Variants in GNPDA2 observed in about 807,000 individuals in gnomAD.
The protein encoded by GNPDA2 is glucosamine-6-phosphate deaminase 2.
A neutral mutation model predicts 27.0 loss-of-function variants in GNPDA2; 24 were observed. The ratio of observed to expected loss-of-function variants is 0.89; its 90% CI spans 0.64 to 1.25. The LOEUF is 1.25. Ranked by LOEUF, GNPDA2 falls within the 50% of genes most tolerant of loss-of-function variation. GNPDA2 has a pLI of 0.00. For synonymous variants in GNPDA2, 94 were observed against 108.4 expected, an observed-to-expected ratio of 0.87 and a Z score of 0.83; for missense variants, 286 against 335.1, an observed-to-expected ratio of 0.85 and a Z score of 1.14.
chr4:44,711,160 A>G (rs376251524), intron 4 of GNPDA2, 23 bp from the exon 5 acceptor site: 2 of 1,440,292 alleles, frequency 1.4e-6, no homozygotes, highest in Non-Finnish European at 1.8e-6. Context: ...ATATACATAC[A>G]TATACACATG....
At chr4:44,723,850 T>C (rs991653038) in intron 1 of GNPDA2, among the ~76,000 whole-genome samples, 5 of 151,708 alleles carry the variant, frequency 3.3e-5, no homozygotes, top group African/African-American at 1.2e-4. Flanking sequence ...GGTTACAAAG[T>C]TTTCTGGGTT....
intron 6 of GNPDA2, chr4:44,703,600 A>G (rs1716407630): frequency 2.0e-5 from 20 of 982,266 alleles, no homozygotes; most frequent in Non-Finnish European, 1.9e-5. Context: ...ACTTTCCAAT[A>G]GTTTGGCATG....
At chr4:44,717,945 T>C (rs1717413380) in intron 3 of GNPDA2, among the ~76,000 whole-genome samples, 2 of 151,896 alleles carry the variant, frequency 1.3e-5, no homozygotes, top group Admixed American at 6.6e-5. Flanking sequence ...TACTTTTACA[T>C]GTACGTTAGT....
At chr4:44,725,759 C>CT (rs1717971602) in intron 1 of GNPDA2, among the ~76,000 whole-genome samples, 1 of 64,080 alleles carries the variant, frequency 1.6e-5, no homozygotes, top group Non-Finnish European at 5.7e-5. Flanking sequence ...ATGCAATTCT[C>CT]TGGCATCACA....
chr4:44,708,228 A>G (rs1262474371), intron 5 of GNPDA2, among the ~76,000 whole-genome samples: 1 of 152,152 alleles, frequency 6.6e-6, no homozygotes, highest in Non-Finnish European at 1.5e-5. Flanking sequence ...CAATGAAGAA[A>G]AAGAAACAAA....
In GNPDA2 at chr4:44,701,905, TAAG is replaced by T; in HGVS notation, c.*1173_*1175del. On this transcript the variant is annotated 3_prime_UTR_variant, in exon 7 of 7. Transcript: ENST00000295448. The stretch of plus-strand genomic sequence containing the variant: ...TAATTTATTTGCTATTTTAATATTT[TAAG>T]AAACTACATTTTAATCACATAGACA... 1 of 982,346 alleles carries T rather than the reference TAAG, an allele frequency of 1.0e-6. No homozygotes were observed. The highest frequency in any genetic ancestry group is 1.2e-6 in the Non-Finnish European group (1 of 827,206). 60.9% of individuals were successfully genotyped at this position (982,346 alleles called of 1,614,324 possible).
At chr4:44,705,479 T>G in intron 6 of GNPDA2, 1 of 985,160 alleles carries the variant, frequency 1.0e-6, no homozygotes, top group South Asian at 4.7e-5. Flanking sequence ...GCAGCTATCC[T>G]CTCACGAATG....
chr4:44,703,228 G>T, intron 6 of GNPDA2, 86 bp from the exon 7 acceptor site: 2 of 1,511,910 alleles, frequency 1.3e-6, no homozygotes, highest in Admixed American at 4.7e-5. Context: ...TTTTTTATAA[G>T]ACACAGTAAG....
chr4:44,719,206 T>A (rs1717518205), intron 2 of GNPDA2, among the ~76,000 whole-genome samples: 1 of 152,026 alleles, frequency 6.6e-6, no homozygotes. Flanking sequence ...AAGGCTAGAT[T>A]GACTGCATTC....
chr4:44,720,329 C>T (rs997367260), intron 2 of GNPDA2, among the ~76,000 whole-genome samples: 1 of 152,100 alleles, frequency 6.6e-6, no homozygotes, highest in Non-Finnish European at 1.5e-5. Flanking sequence ...ACCAGGGATT[C>T]CAATCTAGAT....
intron 4 of GNPDA2, among the ~76,000 whole-genome samples, chr4:44,716,343 A>G (rs1033715507): frequency 3.9e-5 from 6 of 151,926 alleles, no homozygotes; most frequent in Admixed American, 3.3e-4. Flanking sequence ...AATTTACAGC[A>G]TTAGTATTTT....
At chr4:44,710,923 G>A in intron 5 of GNPDA2, 30 bp downstream of exon 5, 1 of 1,491,158 alleles carries the variant, frequency 6.7e-7, no homozygotes, top group Non-Finnish European at 9.0e-7. Context: ...AACATGAAAA[G>A]AAAGACAGCA....
Position 44,722,379 on chromosome 4 carries a change from A to G in GNPDA2, c.-35-137T>C, listed in dbSNP as rs1577597147. 6 of 616,926 alleles carry G rather than the reference A, an allele frequency of 9.7e-6. No individual in the cohort carries two copies. In the East Asian group the frequency reaches 1.7e-4, roughly 18 times the overall value. 38.2% of individuals were successfully genotyped at this position (616,926 alleles called of 1,614,324 possible). A position where few individuals can be genotyped will look rare whatever the true frequency, so the allele number is the denominator to read the frequency against. ...GATTTTTAAAAGTACATTACTGAAG[A>G]AGGACATGCACATATACAATCTGAA... On this transcript the variant is annotated intron_variant, in intron 1 of 6. Coordinates refer to ENST00000295448, the MANE Select transcript of GNPDA2 (RefSeq NM_138335.3).
intron 3 of GNPDA2, among the ~76,000 whole-genome samples, 180 bp from the exon 4 acceptor site, chr4:44,717,475 A>C (rs1277690655): frequency 6.6e-6 from 1 of 151,892 alleles, no homozygotes; most frequent in Non-Finnish European, 1.5e-5. Flanking sequence ...AAATGTATGC[A>C]TTAATTGATA....
intron 1 of GNPDA2, among the ~76,000 whole-genome samples, chr4:44,723,564 T>A (rs1717816335): frequency 1.3e-5 from 2 of 152,188 alleles, no homozygotes; most frequent in African/African-American, 4.8e-5. Flanking sequence ...AGGACATGAT[T>A]TCATTTTCAA....
At chr4:44,717,417 G>A (rs1717374409) in intron 3 of GNPDA2, 122 bp from the exon 4 acceptor site, 2 of 532,008 alleles carry the variant, frequency 3.8e-6, no homozygotes, top group Non-Finnish European at 6.4e-6. Context: ...CAATTTAAAA[G>A]CATTCTTATG....
At chr4:44,706,162 A>G (rs1439086768) in intron 6 of GNPDA2, 1 of 151,896 alleles carries the variant, frequency 6.6e-6, no homozygotes, top group Admixed American at 6.6e-5. Flanking sequence ...GAAGGGTTAC[A>G]TGGGAAAATA....
At chr4:44,724,487 C>A (rs1019238909) in intron 1 of GNPDA2, among the ~76,000 whole-genome samples, 1 of 152,148 alleles carries the variant, frequency 6.6e-6, no homozygotes, top group African/African-American at 2.4e-5. Context: ...ACTGACATTA[C>A]CATCAATAGT....
intron 6 of GNPDA2, chr4:44,706,412 CAT>C (rs1391833389): frequency 6.6e-6 from 1 of 151,676 alleles, no homozygotes; most frequent in Non-Finnish European, 1.5e-5. Context: ...GCTCATGAAA[CAT>C]AAGTACAAAT....
Sources: gnomAD v4.1 joint callset for allele counts (sites outside exome capture counted in the v4.1 genomes callset) on GRCh38, gnomAD v4.1.1 for gene constraint, MANE v1.5 for transcripts, NCBI Gene and HGNC (gene_info 2026-07-23, HGNC 2026-07-21) for gene names.